The following SLC7A14 variants were observed in gnomAD, a reference collection of about 807,000 sequenced individuals.
The protein encoded by SLC7A14 is solute carrier family 7 member 14.
A neutral mutation model predicts 60.2 loss-of-function variants in SLC7A14; 37 were observed. The ratio of observed to expected loss-of-function variants is 0.61; its 90% CI spans 0.47 to 0.81. SLC7A14 has a LOEUF of 0.81. Among genes scored for constraint, SLC7A14 ranks in the 30% least tolerant of loss-of-function variants. The pLI is 0.00. For missense variants in SLC7A14, 886 were observed against 982.7 expected, an observed-to-expected ratio of 0.90 and a Z score of 1.32; for synonymous variants, 399 against 395.8, an observed-to-expected ratio of 1.01 and a Z score of -0.10.
chr3:170,525,465 T>C (rs1192292666), intron 2 of SLC7A14, among the ~76,000 whole-genome samples: 1 of 152,260 alleles, frequency 6.6e-6, no homozygotes, highest in Non-Finnish European at 1.5e-5. Flanking sequence ...TTGTGGCAGA[T>C]GGCGCATTGT....
At chr3:170,495,034 C>G (rs931817550) in intron 4 of SLC7A14, among the ~76,000 whole-genome samples, 1 of 152,164 alleles carries the variant, frequency 6.6e-6, no homozygotes, top group African/African-American at 2.4e-5. Context: ...ATAACAGCAC[C>G]ACTCAAAAGT....
At chr3:170,569,412 C>T (rs1714880995) in intron 1 of SLC7A14, among the ~76,000 whole-genome samples, 1 of 152,110 alleles carries the variant, frequency 6.6e-6, no homozygotes, top group Admixed American at 6.5e-5. Flanking sequence ...ATTCGGTTTG[C>T]CAGTATTTTA....
chr3:170,572,328 C>T (rs1295300043), intron 1 of SLC7A14, among the ~76,000 whole-genome samples: 1 of 152,168 alleles, frequency 6.6e-6, no homozygotes, highest in East Asian at 1.9e-4. Flanking sequence ...CTCTAACCTT[C>T]ACTGGCTGTG....
intron 1 of SLC7A14, among the ~76,000 whole-genome samples, chr3:170,574,461 A>AT (rs2108316561): frequency 6.6e-6 from 1 of 152,288 alleles, no homozygotes; most frequent in East Asian, 1.9e-4. Context: ...CCTGCCACTT[A>AT]CAGTAAACTC....
intron 1 of SLC7A14, among the ~76,000 whole-genome samples, chr3:170,584,763 G>A (rs528950869): frequency 6.6e-5 from 10 of 152,234 alleles, no homozygotes; most frequent in African/African-American, 2.4e-4. Flanking sequence ...GAGCTACCTT[G>A]CCCCCAGCGC....
At chr3:170,468,438 C>T (rs1426755717) in intron 7 of SLC7A14, among the ~76,000 whole-genome samples, 1 of 152,106 alleles carries the variant, frequency 6.6e-6, no homozygotes, top group African/African-American at 2.4e-5. Flanking sequence ...GTTGGGACCA[C>T]AGGCATGTGC....
intron 6 of SLC7A14, among the ~76,000 whole-genome samples, chr3:170,482,153 A>C (rs1711852179): frequency 6.6e-6 from 1 of 152,216 alleles, no homozygotes; most frequent in South Asian, 2.1e-4. Flanking sequence ...GACCAAGAAG[A>C]GCGACTGAAT....
intron 1 of SLC7A14, among the ~76,000 whole-genome samples, chr3:170,555,374 T>G (rs1714459522): frequency 6.6e-6 from 1 of 152,128 alleles, no homozygotes; most frequent in Non-Finnish European, 1.5e-5. Flanking sequence ...TATACAATAT[T>G]GTATCCTGCT....
At position 170,482,149 on chromosome 3, in the gene SLC7A14, G is replaced by C. The variant is rs552846789; in HGVS notation, c.1116-983C>G. 1.1e-4 allele frequency among the ~76,000 whole-genome samples: 16 copies of C among 152,288 alleles called. 1 individual carries two copies. The highest frequency in any genetic ancestry group is 6.8e-3 in the Middle Eastern group (2 of 294). On this transcript the variant is annotated intron_variant, in intron 6 of 7. Transcript: ENST00000231706. ...AGTTACTGACTGAAGAAGAGACCAA[G>C]AAGAGCGACTGAATGGCATGTGCAA...
At chr3:170,499,236 C>CAAAAAAAAAAAAAAAAAAA (rs11336080) in intron 3 of SLC7A14, among the ~76,000 whole-genome samples, 2 of 59,930 alleles carry the variant, frequency 3.3e-5, no homozygotes, top group African/African-American at 2.1e-4. Flanking sequence ...GACTCTGTCT[C>CAAAAAAAAAAAAAAAAAAA]AAAAAAAAAA....
rs888492875 is a variant in SLC7A14 at position 170,483,633 on chromosome 3, A to G, written c.907-111T>C. 6 of 1,155,032 alleles carry G rather than the reference A, an allele frequency of 5.2e-6. No individual in the cohort carries two copies. In the South Asian group the frequency reaches 5.5e-5, roughly 10 times the overall value. The allele number at this position is 1,155,032 out of a possible 1,614,324, so 71.5% of individuals were successfully genotyped here. ...CCCTGGAGGCAGAGGCTTGCATGGC[A>G]GTTTGGATCCATTCACTTGCTGGCA... On this transcript the variant is annotated intron_variant, in intron 5 of 7. Transcript: ENST00000231706.
intron 1 of SLC7A14, among the ~76,000 whole-genome samples, chr3:170,572,257 C>T (rs1025340679): frequency 1.3e-5 from 2 of 152,112 alleles, no homozygotes; most frequent in Non-Finnish European, 2.9e-5. Context: ...TTTTAAATTG[C>T]AGATGGACTG....
intron 2 of SLC7A14, 96 bp downstream of exon 2, chr3:170,526,537 A>G (rs1158104653): frequency 5.5e-6 from 8 of 1,451,438 alleles, no homozygotes; most frequent in African/African-American, 2.8e-5. Context: ...GCCACTTCAT[A>G]CATCTCACCA....
In SLC7A14 at chr3:170,486,302, C is replaced by G; in HGVS notation, c.826G>C (p.Glu276Gln). The change falls in exon 5 of 8, where the codon GAG becomes CAG. Residue 276 changes from glutamate to glutamine, a missense_variant. Transcript: ENST00000231706. Reference protein sequence around the residue: ...IGFDIIATTGEEAKNPNTSIP... With the variant: ...IGFDIIATTGQEAKNPNTSIP... ...GACGTGTTGGGATTCTTGGCTTCCT[C>G]TCCAGTGGTGGCGATGATGTCAAAG... 1 of 1,614,240 alleles carries G rather than the reference C, an allele frequency of 6.2e-7. No homozygotes were observed. The highest frequency in any genetic ancestry group is 8.5e-7 in the Non-Finnish European group (1 of 1,180,048).
At chr3:170,510,402 A>T (rs79332551) in intron 2 of SLC7A14, among the ~76,000 whole-genome samples, 3,552 of 121,184 alleles carry the variant, frequency 0.029, 97 homozygotes, top group Non-Finnish European at 0.043. Flanking sequence ...AAAAAAAAAT[A>T]AATAAATAAA....
chr3:170,471,090 G>GGTGTGTGTGT (rs113891859), intron 7 of SLC7A14, among the ~76,000 whole-genome samples: 19,283 of 146,312 alleles, frequency 0.13, 1,285 homozygotes, highest in East Asian at 0.19. Context: ...TCTGGGAAGG[G>GGTGTGTGTGT]GTGTGTGTGT....
intron 7 of SLC7A14, among the ~76,000 whole-genome samples, chr3:170,472,028 C>T (rs1475194833): frequency 3.3e-5 from 5 of 151,734 alleles, no homozygotes; most frequent in African/African-American, 9.7e-5. Flanking sequence ...GGTGGGGGTG[C>T]GTGGTGTGTG....
In SLC7A14 at chr3:170,542,352, A is replaced by G. The variant is rs78750898; in HGVS notation, c.-152-15264T>C. Among the ~76,000 whole-genome samples the G allele has an allele frequency of 7.4e-3, 1,123 of 152,284 alleles. 51 individuals carry two copies. The highest frequency in any genetic ancestry group is 0.051 in the Admixed American group (782 of 15,292). On this transcript the variant is annotated intron_variant, in intron 1 of 7. Coordinates refer to ENST00000231706, the MANE Select transcript of SLC7A14 (RefSeq NM_020949.3). Reference sequence around the variant, plus strand: ...TTTCATGGACTGTCCTAAGAATTCTAAGTATCCTCAACAGGTCCATCTCAC... The same window carrying G: ...TTTCATGGACTGTCCTAAGAATTCTGAGTATCCTCAACAGGTCCATCTCAC...
rs188416669 is a variant in SLC7A14, at chr3:170,483,825, A to G, written c.907-303T>C. On this transcript the variant is annotated intron_variant, in intron 5 of 7. Transcript: ENST00000231706. ...CAGCCCCATGAGCAGAGCTATGCTAACAGTTCAGTGGAGAGCAGATATTTC... is the reference window on the plus strand; with the variant it reads ...CAGCCCCATGAGCAGAGCTATGCTAGCAGTTCAGTGGAGAGCAGATATTTC... Among the ~76,000 whole-genome samples, 301 of 152,344 alleles carry G rather than the reference A, an allele frequency of 2.0e-3. 3 individuals carry two copies. The highest frequency in any genetic ancestry group is 6.9e-3 in the African/African-American group (289 of 41,584).
Sources: allele counts gnomAD v4.1 joint callset (sites outside exome capture counted in the v4.1 genomes callset), GRCh38; gene constraint gnomAD v4.1.1; transcripts MANE v1.5; gene names NCBI Gene and HGNC (gene_info 2026-07-23, HGNC 2026-07-21).